EFL1: variants seen among roughly 807,000 people sequenced by gnomAD.
EFL1 encodes the protein elongation factor-like GTPase 1.
In EFL1, 76 loss-of-function variants were observed where a neutral mutation model predicts 126.7. The ratio of observed to expected loss-of-function variants is 0.60; its 90% CI spans 0.50 to 0.73. The LOEUF (loss-of-function observed/expected upper bound fraction) is 0.73, where lower values mean the gene tolerates loss of function less well. Among genes scored for constraint, EFL1 ranks in the 30% least tolerant of loss-of-function variants. EFL1 has a pLI of 0.00. For synonymous variants in EFL1, 410 were observed against 448.4 expected, an observed-to-expected ratio of 0.91 and a Z score of 1.08; for missense variants, 1,128 against 1,343.2, an observed-to-expected ratio of 0.84 and a Z score of 2.50.
intron 4 of EFL1, among the ~76,000 whole-genome samples, chr15:82,245,724 T>C (rs1385112784): frequency 1.3e-5 from 2 of 151,852 alleles, no homozygotes; most frequent in Non-Finnish European, 2.9e-5. Flanking sequence ...GAAGATCACT[T>C]GAGCCAAGAC....
chr15:82,210,304 T>C (rs1366402252), intron 15 of EFL1, among the ~76,000 whole-genome samples: 2 of 152,184 alleles, frequency 1.3e-5, no homozygotes, highest in African/African-American at 2.4e-5. Context: ...TCACTTCTAA[T>C]AAACAGAATG....
At chr15:82,131,052 G>A (rs1394813271) in intron 19 of EFL1, among the ~76,000 whole-genome samples, 1 of 152,030 alleles carries the variant, frequency 6.6e-6, no homozygotes, top group African/African-American at 2.4e-5. Flanking sequence ...CATGGGAGGT[G>A]TGAACAAATG....
intron 15 of EFL1, among the ~76,000 whole-genome samples, chr15:82,167,330 T>C (rs2074090390): frequency 6.6e-6 from 1 of 152,216 alleles, no homozygotes; most frequent in Non-Finnish European, 1.5e-5. Flanking sequence ...GTGAACTCTA[T>C]GTTCACACAG....
chr15:82,221,024 C>A (rs2074706406), intron 12 of EFL1, among the ~76,000 whole-genome samples: 1 of 152,082 alleles, frequency 6.6e-6, no homozygotes, highest in African/African-American at 2.4e-5. Flanking sequence ...GCATGCTCAA[C>A]CCCAACACAT....
chr15:82,159,985 G>C (rs1337779417), intron 16 of EFL1: 4 of 152,266 alleles, frequency 2.6e-5, no homozygotes, highest in Non-Finnish European at 5.9e-5. Context: ...AAAGAAGGAA[G>C]CATTATTGTG....
chr15:82,169,104 C>A (rs146344714), intron 15 of EFL1, among the ~76,000 whole-genome samples: 98 of 152,180 alleles, frequency 6.4e-4, no homozygotes, highest in African/African-American at 2.2e-3. Flanking sequence ...TGGTTCTCAT[C>A]AAGGGAATAA....
At chr15:82,135,865 G>A (rs1273133085) in intron 19 of EFL1, among the ~76,000 whole-genome samples, 8 of 152,102 alleles carry the variant, frequency 5.3e-5, no homozygotes, top group South Asian at 2.1e-4. Flanking sequence ...GAGGTAGAAC[G>A]GCCACTTTGG....
At chr15:82,185,752 T>A (rs1190868748) in intron 15 of EFL1, among the ~76,000 whole-genome samples, 2 of 152,184 alleles carry the variant, frequency 1.3e-5, no homozygotes, top group Non-Finnish European at 2.9e-5. Flanking sequence ...TAAAACTCGA[T>A]ACCTTTAGTT....
intron 15 of EFL1, among the ~76,000 whole-genome samples, chr15:82,205,414 T>C (rs776110646): frequency 2.0e-5 from 3 of 152,220 alleles, no homozygotes; most frequent in African/African-American, 7.2e-5. Flanking sequence ...TTCTACATTG[T>C]TGAGTTGGAA....
At chr15:82,218,933 T>C (rs1211526011) in intron 14 of EFL1, among the ~76,000 whole-genome samples, 1 of 152,122 alleles carries the variant, frequency 6.6e-6, no homozygotes, top group Non-Finnish European at 1.5e-5. Context: ...GACAGGCTGC[T>C]TCCTGCACAG....
chr15:82,153,483 G>A (rs1251918443), intron 17 of EFL1, among the ~76,000 whole-genome samples: 1 of 152,168 alleles, frequency 6.6e-6, no homozygotes, highest in Non-Finnish European at 1.5e-5. Context: ...TTATGTATGA[G>A]GCACTGTGTT....
chr15:82,219,906 AT>A (rs2141302772), intron 13 of EFL1, 88 bp from the exon 14 acceptor site: 3 of 1,503,252 alleles, frequency 2.0e-6, no homozygotes, highest in South Asian at 2.7e-5. Flanking sequence ...TGAATATGAT[AT>A]CTTTCGTCAA....
intron 15 of EFL1, among the ~76,000 whole-genome samples, chr15:82,177,680 C>G (rs2074209109): frequency 6.6e-6 from 1 of 152,148 alleles, no homozygotes; most frequent in South Asian, 2.1e-4. Context: ...CAAAACAAGT[C>G]CCAGCACCAC....
chr15:82,199,698 A>G (rs1023623646), intron 15 of EFL1, among the ~76,000 whole-genome samples: 8 of 152,228 alleles, frequency 5.3e-5, no homozygotes, highest in Non-Finnish European at 1.5e-5. Context: ...TATTATGCAT[A>G]GATAGAAGTC....
chr15:82,180,380 AAAAC>A lies in EFL1; in HGVS notation c.1751-16400_1751-16397del, dbSNP rs1157059168. Reference sequence around the variant, plus strand: ...CTGGCAAAAAAAAAAAAACAAAAAAAAAACAAACAAAAAAAACCAGCCAACCACC... The same window carrying A: ...CTGGCAAAAAAAAAAAAACAAAAAAAAAACAAAAAAAACCAGCCAACCACC... On this transcript the variant is annotated intron_variant, in intron 15 of 19. Transcript: ENST00000268206. 2.3e-5 allele frequency among the ~76,000 whole-genome samples: 3 copies of A among 129,976 alleles called. No individual in the cohort carries two copies. In the South Asian group the frequency reaches 6.4e-4, roughly 28 times the overall value. The allele number at this position is 129,976 out of a possible 152,430, so 85.3% of individuals were successfully genotyped here.
intron 16 of EFL1, among the ~76,000 whole-genome samples, chr15:82,162,841 A>G (rs2074037536): frequency 1.3e-5 from 2 of 152,206 alleles, no homozygotes; most frequent in African/African-American, 2.4e-5. Flanking sequence ...ACATATGTTC[A>G]GGAGCAATGA....
chr15:82,172,284 T>C (rs1455752853), intron 15 of EFL1, among the ~76,000 whole-genome samples: 3 of 152,194 alleles, frequency 2.0e-5, no homozygotes, highest in African/African-American at 7.2e-5. Context: ...CATTAAAGTA[T>C]GATTAGACTG....
chr15:82,157,627 G>C, intron 17 of EFL1, 86 bp downstream of exon 17: 1 of 1,439,594 alleles, frequency 6.9e-7, no homozygotes, highest in South Asian at 1.5e-5. Flanking sequence ...ATAAGCCGCA[G>C]TCTAAGTTCA....
At chr15:82,145,303 C>CAAAAAAA in intron 18 of EFL1, among the ~76,000 whole-genome samples, 1 of 96,496 alleles carries the variant, frequency 1.0e-5, no homozygotes, top group Non-Finnish European at 2.2e-5. Flanking sequence ...AACTCTGTCT[C>CAAAAAAA]AAAAAAAAAA....
Sources: gnomAD v4.1 joint callset for allele counts (sites outside exome capture counted in the v4.1 genomes callset) on GRCh38, gnomAD v4.1.1 for gene constraint, MANE v1.5 for transcripts, NCBI Gene and HGNC (gene_info 2026-07-23, HGNC 2026-07-21) for gene names.